The following MRPS35 variants were observed in gnomAD, a reference collection of about 807,000 sequenced individuals.
MRPS35 encodes the protein mitochondrial ribosomal protein S35.
MRPS35 carries 29 observed loss-of-function variants against 32.7 expected under a neutral mutation model. That is an observed-to-expected ratio of 0.89 (90% confidence interval 0.66 to 1.21). The LOEUF (loss-of-function observed/expected upper bound fraction) is 1.21, where lower values mean the gene tolerates loss of function less well. MRPS35 is among the 50% of genes most tolerant of loss of function. The pLI, the probability that MRPS35 is intolerant of heterozygous loss-of-function variation, is 0.00. For synonymous variants in MRPS35, 148 were observed against 139.3 expected (o/e 1.06, Z -0.44); for missense variants, 373 against 383.8 (o/e 0.97, Z 0.23).
chr12:27,731,635 C>G (rs1427513275), intron 5 of MRPS35, among the ~76,000 whole-genome samples: 4 of 152,152 alleles, frequency 2.6e-5, no homozygotes, highest in Admixed American at 1.3e-4. Context: ...GTGGCGCGAT[C>G]TTGGCTTACT....
At chr12:27,744,320 G>A (rs1335793984) in intron 7 of MRPS35, among the ~76,000 whole-genome samples, 5 of 151,980 alleles carry the variant, frequency 3.3e-5, no homozygotes, top group Non-Finnish European at 7.4e-5. Context: ...GAGGCTGGGC[G>A]CGGTGGCTCA....
chr12:27,728,047 A>G (rs897241843), intron 5 of MRPS35, among the ~76,000 whole-genome samples: 27 of 152,084 alleles, frequency 1.8e-4, no homozygotes, highest in African/African-American at 6.0e-4. Flanking sequence ...CCACGTTCCA[A>G]TCCACGGTTA....
chr12:27,723,404 C>T (rs2061885124), intron 4 of MRPS35, among the ~76,000 whole-genome samples: 1 of 152,170 alleles, frequency 6.6e-6, no homozygotes, highest in Admixed American at 6.5e-5. Flanking sequence ...CCTCTCTATG[C>T]TCTCTTGCCC....
intron 7 of MRPS35, among the ~76,000 whole-genome samples, chr12:27,751,102 C>CAAAAAAAAAAAAAAAAAAA (rs71438703): frequency 1.5e-3 from 56 of 37,988 alleles, no homozygotes; most frequent in African/African-American, 1.9e-3. Context: ...GACTCCATCT[C>CAAAAAAAAAAAAAAAAAAA]AAAAAAAAAA....
chr12:27,716,414 AAG>A lies in MRPS35; in HGVS notation c.278_279del (p.Lys93ArgfsTer27). On this transcript the variant is annotated frameshift_variant, in exon 3 of 8. Coordinates refer to ENST00000081029, the MANE Select transcript of MRPS35 (RefSeq NM_021821.4). LOFTEE classifies it high-confidence loss of function. ...TGTTCGAATGGGTTATCCAGTAAAA[AAG>A]GGCGTGCCCATGGCAAAGGAGGGAA... ...LPVRMGYPVK[K>X]GVPMAKEGNL... is the part of the protein sequence containing the mutation. 6.2e-7 allele frequency: 1 copy of A among 1,614,180 alleles called. No homozygotes were observed. The highest frequency in any genetic ancestry group is 1.3e-5 in the African/African-American group (1 of 75,046).
chr12:27,720,486 A>G (rs994721139), intron 4 of MRPS35, among the ~76,000 whole-genome samples: 2 of 152,012 alleles, frequency 1.3e-5, no homozygotes, highest in Non-Finnish European at 2.9e-5. Context: ...ATCTTGAAGA[A>G]ATTATTTAAA....
intron 4 of MRPS35, 83 bp downstream of exon 4, chr12:27,719,951 C>A: frequency 9.9e-7 from 1 of 1,014,500 alleles, no homozygotes; most frequent in Non-Finnish European, 1.5e-6. Flanking sequence ...ACTGTATAGC[C>A]TTATATTCAA....
chr12:27,721,365 T>C (rs1260653847), intron 4 of MRPS35, among the ~76,000 whole-genome samples: 1 of 152,202 alleles, frequency 6.6e-6, no homozygotes, highest in Non-Finnish European at 1.5e-5. Context: ...CACTTCCAAA[T>C]TTGTGTCCCA....
intron 7 of MRPS35, among the ~76,000 whole-genome samples, chr12:27,738,389 A>C (rs1298410550): frequency 6.6e-6 from 1 of 152,178 alleles, no homozygotes; most frequent in Non-Finnish European, 1.5e-5. Flanking sequence ...TTGGATTTTC[A>C]AGCATTTCAG....
intron 5 of MRPS35, among the ~76,000 whole-genome samples, chr12:27,727,016 A>G (rs1469428069): frequency 7.1e-6 from 1 of 140,104 alleles, no homozygotes; most frequent in East Asian, 2.1e-4. Flanking sequence ...GCTGGAGTGC[A>G]GTGGCTCGAT....
intron 2 of MRPS35, among the ~76,000 whole-genome samples, chr12:27,715,994 G>A (rs564381836): frequency 6.6e-6 from 1 of 152,134 alleles, no homozygotes; most frequent in Non-Finnish European, 1.5e-5. Flanking sequence ...CCTTTCATAA[G>A]CAAAATGTAA....
intron 3 of MRPS35, among the ~76,000 whole-genome samples, chr12:27,718,059 C>A (rs112500249): frequency 6.6e-6 from 1 of 151,948 alleles, no homozygotes. Flanking sequence ...AAGGAAAAAA[C>A]CAAAAAGTAC....
intron 7 of MRPS35, chr12:27,752,801 A>G (rs979244479): frequency 6.6e-6 from 1 of 152,064 alleles, no homozygotes; most frequent in Non-Finnish European, 1.5e-5. Flanking sequence ...ATTTTTTTTA[A>G]TGCGCAGATT....
At chr12:27,734,025 A>C (rs979805109) in intron 5 of MRPS35, among the ~76,000 whole-genome samples, 7 of 152,198 alleles carry the variant, frequency 4.6e-5, no homozygotes, top group Non-Finnish European at 1.0e-4. Flanking sequence ...GTGGGGAAAA[A>C]ATGGGAAAAT....
chr12:27,740,410 G>T (rs2061959773), intron 7 of MRPS35, among the ~76,000 whole-genome samples: 1 of 152,072 alleles, frequency 6.6e-6, no homozygotes, highest in African/African-American at 2.4e-5. Context: ...TGGGACTACA[G>T]GCGCATGGCA....
At chr12:27,722,576 A>G (rs1262245313) in intron 4 of MRPS35, among the ~76,000 whole-genome samples, 2 of 152,148 alleles carry the variant, frequency 1.3e-5, no homozygotes, top group Admixed American at 6.6e-5. Context: ...AAAATTCCCC[A>G]AACTAGTCTC....
At chr12:27,750,719 T>C (rs2061998562) in intron 7 of MRPS35, among the ~76,000 whole-genome samples, 1 of 152,094 alleles carries the variant, frequency 6.6e-6, no homozygotes, top group African/African-American at 2.4e-5. Context: ...GCAAGGGGAT[T>C]GCATGAGCTT....
intron 5 of MRPS35, among the ~76,000 whole-genome samples, chr12:27,727,239 G>A (rs2061904333): frequency 6.6e-6 from 1 of 152,096 alleles, no homozygotes; most frequent in Admixed American, 6.5e-5. Flanking sequence ...GGGATTAGAG[G>A]CGTGAGCCTT....
chr12:27,735,122 C>T (rs76698245), intron 5 of MRPS35, among the ~76,000 whole-genome samples: 2,379 of 152,214 alleles, frequency 0.016, 70 homozygotes, highest in African/African-American at 0.053. Context: ...ACTTAACTAA[C>T]GCTAATTGAG....
Sources: gnomAD v4.1 joint callset for allele counts (sites outside exome capture counted in the v4.1 genomes callset) on GRCh38, gnomAD v4.1.1 for gene constraint, MANE v1.5 for transcripts, NCBI Gene and HGNC (gene_info 2026-07-23, HGNC 2026-07-21) for gene names.